The following TBC1D2B variants were observed in gnomAD, a reference collection of about 807,000 sequenced individuals.
The protein encoded by TBC1D2B is TBC1 domain family, member 2B.
TBC1D2B carries 64 observed loss-of-function variants against 100.8 expected under a neutral mutation model. That is an observed-to-expected ratio of 0.64 (90% confidence interval 0.52 to 0.78). The LOEUF (loss-of-function observed/expected upper bound fraction) is 0.78, where lower values mean the gene tolerates loss of function less well. Among genes scored for constraint, TBC1D2B ranks in the 30% least tolerant of loss-of-function variants. The probability of loss-of-function intolerance (pLI) is 0.00; values close to 1 mark genes in which losing one functional copy is unlikely to be tolerated. For missense variants in TBC1D2B, 1,052 were observed against 1,218.4 expected (o/e 0.86, Z 2.03); for synonymous variants, 480 against 479.7 (o/e 1.00, Z -0.01).
At chr15:78,018,498 C>T (rs1360477747) in intron 6 of TBC1D2B, among the ~76,000 whole-genome samples, 2 of 152,194 alleles carry the variant, frequency 1.3e-5, no homozygotes, top group Non-Finnish European at 2.9e-5. Context: ...TTCTTCAACA[C>T]TGAAAAATTT....
At chr15:78,056,298 A>T (rs993041624) in intron 1 of TBC1D2B, among the ~76,000 whole-genome samples, 6 of 152,230 alleles carry the variant, frequency 3.9e-5, no homozygotes, top group African/African-American at 1.4e-4. Flanking sequence ...AGGTGAGGTC[A>T]GTGAGTGGCA....
intron 1 of TBC1D2B, among the ~76,000 whole-genome samples, chr15:78,057,408 G>A (rs1224688155): frequency 2.0e-5 from 3 of 152,156 alleles, no homozygotes; most frequent in Admixed American, 1.3e-4. Context: ...TTGGGAGGCC[G>A]AGGCAGGCGG....
At chr15:78,011,507 G>C (rs535438388) in intron 9 of TBC1D2B, among the ~76,000 whole-genome samples, 1 of 138,544 alleles carries the variant, frequency 7.2e-6, no homozygotes, top group South Asian at 2.3e-4. Context: ...GTCTCACTGT[G>C]TTGCCCAGGC....
chr15:78,034,557 AC>A, intron 3 of TBC1D2B: 1 of 984,956 alleles, frequency 1.0e-6, no homozygotes, highest in Non-Finnish European at 1.2e-6. Context: ...GAGCAGGGAC[AC>A]CCCCACACGG....
intron 3 of TBC1D2B, among the ~76,000 whole-genome samples, chr15:78,038,631 G>A (rs549656187): frequency 7.2e-5 from 11 of 152,328 alleles, no homozygotes; most frequent in African/African-American, 2.6e-4. Context: ...CCCTGCAACA[G>A]GTGGACCCAG....
At chr15:78,014,831 A>C (rs959604565) in intron 8 of TBC1D2B, among the ~76,000 whole-genome samples, 4 of 152,256 alleles carry the variant, frequency 2.6e-5, no homozygotes, top group Non-Finnish European at 5.9e-5. Context: ...AGTATGTAAA[A>C]AGGTATCATC....
Position 78,017,844 on chromosome 15 carries a change from C to A in TBC1D2B, c.1581+3G>T. 1 of 1,599,188 alleles carries A rather than the reference C, an allele frequency of 6.3e-7. No homozygotes were observed. ...GTAATAGAATCCACCTATCCTGACC[C>A]ACCTTTGCCATCAGATCCCTCTCTC... On this transcript the variant is annotated splice_donor_region_variant and intron_variant, in intron 7 of 12. Transcript: ENST00000300584.
At chr15:78,002,203 G>A (rs2071933208) in intron 11 of TBC1D2B, among the ~76,000 whole-genome samples, 1 of 151,910 alleles carries the variant, frequency 6.6e-6, no homozygotes, top group East Asian at 1.9e-4. Context: ...TTTTATTTTT[G>A]AGATACAGTC....
chr15:78,052,033 G>T (rs769617402), intron 2 of TBC1D2B, among the ~76,000 whole-genome samples: 30 of 152,172 alleles, frequency 2.0e-4, no homozygotes, highest in Non-Finnish European at 3.8e-4. Context: ...ACTGCTCTTA[G>T]GTTAAAGTCC....
At chr15:78,028,229 C>T (rs1051169922) in intron 4 of TBC1D2B, among the ~76,000 whole-genome samples, 1 of 152,122 alleles carries the variant, frequency 6.6e-6, no homozygotes, top group Non-Finnish European at 1.5e-5. Flanking sequence ...AATCTCAGTA[C>T]TTTGGGAGAC....
intron 10 of TBC1D2B, among the ~76,000 whole-genome samples, chr15:78,008,602 A>C (rs2072135153): frequency 6.6e-6 from 1 of 152,158 alleles, no homozygotes. Flanking sequence ...CCCCCCGCCG[A>C]AGTCTCTGGT....
chr15:78,019,425 T>C (rs1243525593), intron 6 of TBC1D2B, among the ~76,000 whole-genome samples: 1 of 152,204 alleles, frequency 6.6e-6, no homozygotes, highest in Non-Finnish European at 1.5e-5. Flanking sequence ...CTTAGCTCCA[T>C]GGTCTCAGGC....
chr15:77,997,978 A>C lies in TBC1D2B; in HGVS notation c.*182T>G. On this transcript the variant is annotated 3_prime_UTR_variant, in exon 13 of 13. Coordinates refer to ENST00000300584, the MANE Select transcript of TBC1D2B (RefSeq NM_144572.2). ...GCATGGCACGGAAATGGTTGTAAAC[A>C]GATTAGACCTCCCACCCCTGCCCCC... 2.0e-6 allele frequency: 1 copy of C among 501,046 alleles called. No individual in the cohort carries two copies. Among genetic ancestry groups the C allele is most frequent in the Non-Finnish European group, 3.4e-6 (1 of 292,556 alleles). The allele number at this position is 501,046 out of a possible 1,614,324, so 31.0% of individuals were successfully genotyped here.
chr15:78,039,645 G>A (rs894974981), intron 3 of TBC1D2B, among the ~76,000 whole-genome samples: 2 of 152,076 alleles, frequency 1.3e-5, no homozygotes, highest in Non-Finnish European at 2.9e-5. Flanking sequence ...CAGCAGGCCT[G>A]GGTTGTGTAG....
intron 2 of TBC1D2B, among the ~76,000 whole-genome samples, chr15:78,050,608 G>A (rs2073294216): frequency 6.6e-6 from 1 of 152,188 alleles, no homozygotes; most frequent in Non-Finnish European, 1.5e-5. Flanking sequence ...GTATCTTTAT[G>A]CAAATTACTC....
At position 78,077,417 on chromosome 15, in the gene TBC1D2B, A is replaced by G; in HGVS notation, c.236T>C (p.Leu79Pro). The G allele has an allele frequency of 6.5e-7, 1 of 1,546,052 alleles. No individual in the cohort carries two copies. The highest frequency in any genetic ancestry group is 8.7e-7 in the Non-Finnish European group (1 of 1,145,348). The change falls in exon 1 of 13, where the codon CTC (leucine) becomes CCC (proline). Residue 79 changes from leucine (L) to proline (P), a missense_variant. Around this residue, in one of 4 missense-constraint regions of TBC1D2B, gnomAD observed 627 missense variants for 646.1 expected, o/e 0.97. Coordinates refer to ENST00000300584, the MANE Select transcript of TBC1D2B (RefSeq NM_144572.2). ...YFKSPQDALPLGHLDIADACF... is the reference protein window; with the variant it reads ...YFKSPQDALPPGHLDIADACF... Reference sequence around the variant, plus strand: ...GGCGTCCGCGATGTCCAAGTGGCCGAGGGGCAGCGCGTCCTGCGGACTCTT... The same window carrying G: ...GGCGTCCGCGATGTCCAAGTGGCCGGGGGGCAGCGCGTCCTGCGGACTCTT...
Position 77,996,222 on chromosome 15 carries a change from C to T in TBC1D2B, c.*1938G>A, listed in dbSNP as rs1304038964. 1 of 152,066 alleles carries T rather than the reference C, an allele frequency of 6.6e-6. No homozygotes were observed. The highest frequency in any genetic ancestry group is 1.5e-5 in the Non-Finnish European group (1 of 67,998). 9.4% of individuals were successfully genotyped at this position (152,066 alleles called of 1,614,324 possible). On this transcript the variant is annotated 3_prime_UTR_variant, in exon 13 of 13. Transcript: ENST00000300584. ...GTTGCAGCCACGACGGGCCCCTGGT[C>T]AGGTGCATCTCTCAGGGCAAACTGG...
At chr15:78,034,575 G>A (rs548569630) in intron 3 of TBC1D2B, 2 of 985,166 alleles carry the variant, frequency 2.0e-6, no homozygotes, top group Admixed American at 6.1e-5. Context: ...ACGGCCTGGG[G>A]AGAGAGAACA....
At chr15:78,013,351 A>G (rs1477802931) in intron 8 of TBC1D2B, 34 bp from the exon 9 acceptor site, 1 of 1,523,692 alleles carries the variant, frequency 6.6e-7, no homozygotes, top group Non-Finnish European at 8.8e-7. Flanking sequence ...AATTAAAATG[A>G]CAAAGTTTTA....
Sources: allele counts gnomAD v4.1 joint callset (sites outside exome capture counted in the v4.1 genomes callset), GRCh38; gene constraint gnomAD v4.1.1; regional missense constraint gnomAD v4.1.1; transcripts MANE v1.5; gene names NCBI Gene and HGNC (gene_info 2026-07-23, HGNC 2026-07-21).